The following DPP6 variants were observed in gnomAD, a reference collection of about 807,000 sequenced individuals.
DPP6 encodes the protein A-type potassium channel modulatory protein DPP6.
A neutral mutation model predicts 122.6 loss-of-function variants in DPP6; 69 were observed. The ratio of observed to expected loss-of-function variants is 0.56; its 90% CI spans 0.46 to 0.69. The LOEUF is 0.69. Ranked by LOEUF, DPP6 falls within the 30% of genes least tolerant of loss-of-function variation. The pLI, the probability that DPP6 is intolerant of heterozygous loss-of-function variation, is 0.00. For missense variants in DPP6, 928 were observed against 1,116.9 expected, an observed-to-expected ratio of 0.83 and a Z score of 2.41; for synonymous variants, 418 against 433.1, an observed-to-expected ratio of 0.97 and a Z score of 0.43.
intron 1 of DPP6, among the ~76,000 whole-genome samples, chr7:153,952,236 T>A (rs1196417192): frequency 2.0e-5 from 3 of 152,226 alleles, no homozygotes; most frequent in Non-Finnish European, 4.4e-5. Context: ...TAATGTGATA[T>A]CAAAAGCAAT....
chr7:153,893,262 T>C (rs536214291), intron 1 of DPP6, among the ~76,000 whole-genome samples: 1 of 152,338 alleles, frequency 6.6e-6, no homozygotes, highest in Non-Finnish European at 1.5e-5. Flanking sequence ...ACAGCCATCA[T>C]CTCCTTTTCT....
chr7:154,422,641 GA>G (rs1352156107), intron 1 of DPP6, among the ~76,000 whole-genome samples: 1 of 150,716 alleles, frequency 6.6e-6, no homozygotes, highest in African/African-American at 2.4e-5. Context: ...GTGGTAGATG[GA>G]TAGGTGAATG....
At chr7:154,147,485 CCTTCCTTT>C (rs1180717104) in intron 1 of DPP6, among the ~76,000 whole-genome samples, 45 of 113,568 alleles carry the variant, frequency 4.0e-4, no homozygotes, top group African/African-American at 1.8e-3. Context: ...TTCCTTCCTT[CCTTCCTTT>C]CTTTTTCTGT....
chr7:154,385,642 G>A (rs1191710486), intron 1 of DPP6, among the ~76,000 whole-genome samples: 1 of 152,208 alleles, frequency 6.6e-6, no homozygotes, highest in Non-Finnish European at 1.5e-5. Context: ...CACAGGCCAT[G>A]ACACTTCCAG....
At chr7:153,776,213 G>A in the DPP6 span, among the ~76,000 whole-genome samples, 1 of 152,226 alleles carries the variant, frequency 6.6e-6, no homozygotes, top group Admixed American at 6.5e-5. Flanking sequence ...CCAAAGGGTA[G>A]TGATATGGTT....
chr7:154,355,742 G>A (rs1458252795), intron 1 of DPP6, among the ~76,000 whole-genome samples: 1 of 152,160 alleles, frequency 6.6e-6, no homozygotes. Flanking sequence ...ATCACAATAT[G>A]TAAGTTACTA....
intron 5 of DPP6, among the ~76,000 whole-genome samples, chr7:154,589,847 G>A (rs577687006): frequency 1.3e-5 from 2 of 152,266 alleles, no homozygotes; most frequent in East Asian, 1.9e-4. Flanking sequence ...TCCGGACTTC[G>A]TAACAGCATG....
intron 1 of DPP6, among the ~76,000 whole-genome samples, chr7:154,109,819 G>A (rs553909931): frequency 9.4e-5 from 13 of 138,952 alleles, no homozygotes; most frequent in African/African-American, 2.5e-4. Context: ...CTGTGTGGGC[G>A]TGTTATGATT....
chr7:154,266,250 G>T (rs1442800698), intron 1 of DPP6, among the ~76,000 whole-genome samples: 1 of 152,168 alleles, frequency 6.6e-6, no homozygotes, highest in Non-Finnish European at 1.5e-5. Context: ...AACCATATCA[G>T]GGGTGTCCTC....
chr7:154,478,375 A>C (rs962173900), intron 3 of DPP6, among the ~76,000 whole-genome samples: 1 of 152,134 alleles, frequency 6.6e-6, no homozygotes, highest in Non-Finnish European at 1.5e-5. Flanking sequence ...GATAGACATA[A>C]GAATTATTAC....
intron 4 of DPP6, among the ~76,000 whole-genome samples, chr7:154,561,488 T>C: frequency 6.6e-6 from 1 of 152,242 alleles, no homozygotes; most frequent in East Asian, 1.9e-4. Flanking sequence ...AACATATTTC[T>C]AAATAACAAA....
At chr7:154,679,809 C>G (rs7781813) in intron 7 of DPP6, among the ~76,000 whole-genome samples, 147,608 of 152,264 alleles carry the variant, frequency 0.97, 71,699 homozygotes, top group East Asian at 1. Flanking sequence ...AATTAATATC[C>G]CACGGATGGA....
the DPP6 span, among the ~76,000 whole-genome samples, chr7:153,814,464 C>T: frequency 6.6e-6 from 1 of 152,092 alleles, no homozygotes; most frequent in Non-Finnish European, 1.5e-5. Context: ...TGGCAATAAT[C>T]AATAGCTTAC....
Position 154,865,055 on chromosome 7 carries a change from A to G in DPP6, c.1715-2940A>G, listed in dbSNP as rs1214303314. Reference sequence around the variant, plus strand: ...TATATGGAGACAAGAGCGTACTTTAACCAGCTGTAAGAGGGTCTGTCCCCA... The same window carrying G: ...TATATGGAGACAAGAGCGTACTTTAGCCAGCTGTAAGAGGGTCTGTCCCCA... On this transcript the variant is annotated intron_variant, in intron 17 of 25. Transcript: ENST00000377770. 2.0e-5 allele frequency among the ~76,000 whole-genome samples: 3 copies of G among 152,296 alleles called. No individual in the cohort carries two copies. The East Asian group carries it at 5.8e-4, about 29-fold the overall frequency.
chr7:153,857,322 T>TTCTCTCTC, the DPP6 span, among the ~76,000 whole-genome samples: 11,957 of 124,286 alleles, frequency 0.096, 888 homozygotes, highest in Non-Finnish European at 0.11. Flanking sequence ...CTCAAAGGTT[T>TTCTCTCTC]TCTCTCTCTC....
chr7:153,988,748 G>A (rs1030382320), intron 1 of DPP6, among the ~76,000 whole-genome samples: 1 of 152,214 alleles, frequency 6.6e-6, no homozygotes, highest in Non-Finnish European at 1.5e-5. Flanking sequence ...ATGGAAATGA[G>A]GAATGATCTA....
At chr7:154,168,904 A>G (rs1386090807) in intron 1 of DPP6, among the ~76,000 whole-genome samples, 1 of 152,234 alleles carries the variant, frequency 6.6e-6, no homozygotes, top group Non-Finnish European at 1.5e-5. Context: ...AAGAGAATTA[A>G]TGTTTAGAAA....
chr7:154,455,434 G>A (rs770598397), intron 2 of DPP6, among the ~76,000 whole-genome samples: 5 of 152,134 alleles, frequency 3.3e-5, no homozygotes, highest in Non-Finnish European at 5.9e-5. Context: ...GAGGAATGTG[G>A]TCTACATTCC....
At chr7:154,102,206 A>G (rs1805783218) in intron 1 of DPP6, among the ~76,000 whole-genome samples, 1 of 151,672 alleles carries the variant, frequency 6.6e-6, no homozygotes, top group Admixed American at 6.6e-5. Context: ...TTCTTTTGAG[A>G]CAGAGTTCCA....
Sources: allele counts gnomAD v4.1 joint callset (sites outside exome capture counted in the v4.1 genomes callset), GRCh38; gene constraint gnomAD v4.1.1; transcripts MANE v1.5; gene names NCBI Gene and HGNC (gene_info 2026-07-23, HGNC 2026-07-21).